Variants in ZNF841 observed in about 807,000 individuals in gnomAD.
ZNF841 encodes TCONS_00006091.
In ZNF841, 11 loss-of-function variants were observed where a neutral mutation model predicts 13.0. The ratio of observed to expected loss-of-function variants is 0.85; its 90% CI spans 0.53 to 1.40. The LOEUF (loss-of-function observed/expected upper bound fraction) is 1.40, where lower values mean the gene tolerates loss of function less well. Among genes scored for constraint, ZNF841 ranks in the 40% most tolerant of loss-of-function variants. The pLI is 0.00. For missense variants in ZNF841, 1,068 were observed against 1,139.5 expected (o/e 0.94, Z 0.90); for synonymous variants, 369 against 381.6 (o/e 0.97, Z 0.38).
At chr19:52,059,466 A>G (rs1424116345), downstream of ZNF841, among the ~76,000 whole-genome samples, 1 of 150,572 alleles carries the variant, frequency 6.6e-6, no homozygotes, top group East Asian at 1.9e-4. Context: ...GGTCCCTTAC[A>G]TTTTAAGTTC....
chr19:52,066,440 C>T lies in ZNF841; in HGVS notation c.1442G>A (p.Gly481Glu). 6.2e-7 allele frequency: 1 copy of T among 1,614,002 alleles called. No individual in the cohort carries two copies. Among genetic ancestry groups the T allele is most frequent in the Non-Finnish European group, 8.5e-7 (1 of 1,179,952 alleles). The change falls in exon 7 of 7, where the codon GGA (glycine) becomes GAA (glutamate). Residue 481 changes from glycine to glutamate, a missense_variant. Physicochemically the swap from Gly to Glu is moderately conservative, Grantham distance 98. Transcript: ENST00000594440. ...TTCATTACATTTGTAGGGTTTCTCT[C>T]CAGTATGAATTCTCCGGTGCCCTGC... ...RLAGHRRIHT[G>E]EKPYKCNECG... is the part of the protein sequence containing the mutation.
chr19:52,090,299 G>A (rs959845509), intron 2 of ZNF841, among the ~76,000 whole-genome samples: 1 of 152,102 alleles, frequency 6.6e-6, no homozygotes, highest in Non-Finnish European at 1.5e-5. Context: ...AGTGGCTCAT[G>A]CCTGTAATCC....
At chr19:52,094,796 T>C (rs2088616395) in intron 1 of ZNF841, among the ~76,000 whole-genome samples, 1 of 152,124 alleles carries the variant, frequency 6.6e-6, no homozygotes, top group Non-Finnish European at 1.5e-5. Context: ...CTGTCTGCAG[T>C]GCCTCCTCCT....
intron 2 of ZNF841, among the ~76,000 whole-genome samples, chr19:52,090,072 T>C (rs145064283): frequency 8.4e-4 from 128 of 152,308 alleles, no homozygotes; most frequent in African/African-American, 2.9e-3. Context: ...GGGCATTGGC[T>C]AGATTAAGTT....
Position 52,066,478 on chromosome 19 carries a change from T to A in ZNF841, c.1404A>T (p.Gln468His). 1 of 1,613,614 alleles carries A rather than the reference T, an allele frequency of 6.2e-7. No homozygotes were observed. The highest frequency in any genetic ancestry group is 8.5e-7 in the Non-Finnish European group (1 of 1,179,858). The change falls in exon 7 of 7, where the codon CAA becomes CAT. Residue 468 changes from glutamine to histidine, a missense_variant. Transcript: ENST00000594440. Reference sequence around the variant, plus strand: ...TCCGGTGCCCTGCAAGACGTGAACGTTGAAAGAAGACCTTGCCACATTCAT... The same window carrying A: ...TCCGGTGCCCTGCAAGACGTGAACGATGAAAGAAGACCTTGCCACATTCAT... Reference protein sequence around the residue: ...KCNECGKVFFQRSRLAGHRRI... With the variant: ...KCNECGKVFFHRSRLAGHRRI...
chr19:52,067,862 G>A (rs1216660314), intron 6 of ZNF841, among the ~76,000 whole-genome samples: 2 of 152,028 alleles, frequency 1.3e-5, no homozygotes, highest in African/African-American at 2.4e-5. Context: ...CTCATGTTAT[G>A]CAAACATATA....
intron 3 of ZNF841, among the ~76,000 whole-genome samples, chr19:52,087,579 A>C (rs2088317073): frequency 6.6e-6 from 1 of 152,062 alleles, no homozygotes; most frequent in Non-Finnish European, 1.5e-5. Flanking sequence ...GTTGTTTTGG[A>C]CTAGCCTCCC....
chr19:52,086,535 A>G (rs937307860), intron 3 of ZNF841, among the ~76,000 whole-genome samples: 6 of 152,176 alleles, frequency 3.9e-5, no homozygotes, highest in African/African-American at 1.2e-4. Flanking sequence ...TGTTTTCTTT[A>G]TAAATTACCC....
chr19:52,091,047 G>C (rs975915726), intron 2 of ZNF841, among the ~76,000 whole-genome samples: 1 of 152,126 alleles, frequency 6.6e-6, no homozygotes, highest in African/African-American at 2.4e-5. Context: ...TAAAAGCTCA[G>C]GACTCTTGCT....
intron 5 of ZNF841, 77 bp downstream of exon 5, chr19:52,076,881 C>CAAAAT: frequency 6.4e-7 from 1 of 1,555,896 alleles, no homozygotes; most frequent in Non-Finnish European, 8.8e-7. Flanking sequence ...AATGTAGGGC[C>CAAAAT]TCACAAGAAA....
In ZNF841 at chr19:52,073,628, G is replaced by T. The variant is rs1047471197; in HGVS notation, c.271+2416C>A. ...CTGGCCCAATACCAGTTTTTTAAGA[G>T]AATTTATTCTTCATTGCTTGAGCAT... On this transcript the variant is annotated intron_variant, in intron 6 of 6. Coordinates refer to ENST00000594440, the MANE Select transcript of ZNF841 (RefSeq NM_001136499.2). Among the ~76,000 whole-genome samples, 9 of 152,150 alleles carry T rather than the reference G, an allele frequency of 5.9e-5. No individual in the cohort carries two copies. In the East Asian group the frequency reaches 1.4e-3, roughly 23 times the overall value.
At chr19:52,072,826 C>A (rs1261163331) in intron 6 of ZNF841, among the ~76,000 whole-genome samples, 2 of 151,968 alleles carry the variant, frequency 1.3e-5, no homozygotes, top group African/African-American at 4.8e-5. Flanking sequence ...TCTCAAAAAA[C>A]AAAAACAAAC....
At chr19:52,062,532 C>A (rs2087421665), downstream of ZNF841, among the ~76,000 whole-genome samples, 1 of 152,124 alleles carries the variant, frequency 6.6e-6, no homozygotes, top group African/African-American at 2.4e-5. Context: ...TATGAAGGAA[C>A]CACACCTAAT....
intron 5 of ZNF841, 199 bp downstream of exon 5, chr19:52,076,759 A>C: frequency 1.9e-6 from 1 of 522,176 alleles, no homozygotes; most frequent in African/African-American, 2.0e-5. Flanking sequence ...AGTCACCACT[A>C]ATGTACAAAG....
intron 3 of ZNF841, among the ~76,000 whole-genome samples, chr19:52,087,540 A>G (rs533271627): frequency 1.8e-4 from 28 of 152,276 alleles, no homozygotes; most frequent in East Asian, 1.5e-3. Context: ...GGGAAAGGAC[A>G]TGATCTCATT....
At position 52,077,524 on chromosome 19, in the gene ZNF841, A is replaced by G. The variant is rs1240744454; in HGVS notation, c.16-440T>C. On this transcript the variant is annotated intron_variant, in intron 4 of 6. Coordinates refer to ENST00000594440, the MANE Select transcript of ZNF841 (RefSeq NM_001136499.2). ...TTGGAACACTCCCCATGTACCGGGC[A>G]TTACTTCAAAGGATTTACGTGTTCT... Among the ~76,000 whole-genome samples, 66 of 152,216 alleles carry G rather than the reference A, an allele frequency of 4.3e-4. 2 individuals carry two copies. Among genetic ancestry groups the G allele is most frequent in the Admixed American group, 4.3e-3 (66 of 15,284 alleles).
At position 52,066,606 on chromosome 19, in the gene ZNF841, T is replaced by C. The variant is rs533288845; in HGVS notation, c.1276A>G (p.Lys426Glu). 3.7e-6 allele frequency: 6 copies of C among 1,613,564 alleles called. No individual in the cohort carries two copies. The East Asian group carries it at 8.9e-5, about 24-fold the overall frequency. The change falls in exon 7 of 7, where the codon AAG becomes GAG. Residue 426 changes from lysine (K) to glutamate (E), a missense_variant. By Grantham distance (56) the Lys-to-Glu change is moderately conservative. Coordinates refer to ENST00000594440, the MANE Select transcript of ZNF841 (RefSeq NM_001136499.2). ...LTAHHIIHAG[K>E]KPYTCDVCGK... is the part of the protein sequence containing the mutation. ...CATACATCACATGTATATGGTTTCT[T>C]TCCTGCATGGATTATATGATGTGCA...
intron 4 of ZNF841, among the ~76,000 whole-genome samples, chr19:52,080,048 T>C (rs1249729312): frequency 6.6e-6 from 1 of 150,430 alleles, no homozygotes; most frequent in Non-Finnish European, 1.5e-5. Flanking sequence ...AAAAAGAATG[T>C]TTAAGTATAC....
intron 6 of ZNF841, among the ~76,000 whole-genome samples, chr19:52,072,070 T>C (rs1216827864): frequency 6.6e-6 from 1 of 152,190 alleles, no homozygotes; most frequent in African/African-American, 2.4e-5. Context: ...TCAGCCAAAA[T>C]AGACTTTATG....
Sources: gnomAD v4.1 joint callset for allele counts (sites outside exome capture counted in the v4.1 genomes callset) on GRCh38, gnomAD v4.1.1 for gene constraint, MANE v1.5 for transcripts, NCBI Gene and HGNC (gene_info 2026-07-23, HGNC 2026-07-21) for gene names.